The following XKR9 variants were observed in gnomAD, a reference collection of about 807,000 sequenced individuals.
XKR9 encodes the protein XK related 9.
XKR9 carries 32 observed loss-of-function variants against 32.0 expected under a neutral mutation model. That is an observed-to-expected ratio of 1.00 (90% confidence interval 0.76 to 1.34). The LOEUF (loss-of-function observed/expected upper bound fraction) is 1.34, where lower values mean the gene tolerates loss of function less well. Ranked by LOEUF, XKR9 falls within the 40% of genes most tolerant of loss-of-function variation. The probability of loss-of-function intolerance (pLI) is 0.00; values close to 1 mark genes in which losing one functional copy is unlikely to be tolerated. For synonymous variants in XKR9, 168 were observed against 143.4 expected, an observed-to-expected ratio of 1.17 and a Z score of -1.22; for missense variants, 546 against 429.7, an observed-to-expected ratio of 1.27 and a Z score of -2.39.
intron 2 of XKR9, chr8:70,780,773 GTT>G (rs1807604634): frequency 6.6e-6 from 1 of 152,058 alleles, no homozygotes; most frequent in South Asian, 2.1e-4. Flanking sequence ...AGAATTTTAT[GTT>G]TGTCTTTTTA....
intron 3 of XKR9, among the ~76,000 whole-genome samples, chr8:70,694,444 T>C (rs1377156488): frequency 1.3e-5 from 2 of 151,562 alleles, no homozygotes; most frequent in African/African-American, 4.8e-5. Context: ...GAAAGCTTTG[T>C]TGGGGGTGGC....
chr8:70,681,947 T>G (rs1819097202), intron 3 of XKR9, among the ~76,000 whole-genome samples: 1 of 152,148 alleles, frequency 6.6e-6, no homozygotes, highest in Non-Finnish European at 1.5e-5. Flanking sequence ...TGATCCTTAG[T>G]TGAATGTATT....
At chr8:70,840,294 G>A in the XKR9 span, among the ~76,000 whole-genome samples, 1 of 152,060 alleles carries the variant, frequency 6.6e-6, no homozygotes, top group African/African-American at 2.4e-5. Context: ...CAGGTAATTT[G>A]AGGCCTATAT....
the XKR9 span, among the ~76,000 whole-genome samples, chr8:70,811,195 G>C: frequency 6.6e-6 from 1 of 152,066 alleles, no homozygotes; most frequent in East Asian, 1.9e-4. Context: ...TGACTACTGG[G>C]TACATAACGA....
the XKR9 span, among the ~76,000 whole-genome samples, chr8:70,911,051 G>A: frequency 2.0e-5 from 3 of 152,060 alleles, no homozygotes; most frequent in African/African-American, 4.8e-5. Context: ...ATTACATTGG[G>A]CACACCTGTA....
At chr8:70,702,668 A>C (rs764290265) in intron 3 of XKR9, among the ~76,000 whole-genome samples, 2 of 152,176 alleles carry the variant, frequency 1.3e-5, no homozygotes, top group African/African-American at 2.4e-5. Context: ...TATTATTATG[A>C]CATGTTGATC....
intron 4 of XKR9, among the ~76,000 whole-genome samples, chr8:70,733,301 C>T (rs952345817): frequency 1.3e-5 from 2 of 151,840 alleles, no homozygotes; most frequent in South Asian, 2.1e-4. Context: ...CTGTTTAACC[C>T]TCTTTCTCTC....
At chr8:70,811,710 C>G in the XKR9 span, among the ~76,000 whole-genome samples, 125 of 152,228 alleles carry the variant, frequency 8.2e-4, no homozygotes, top group Middle Eastern at 6.8e-3. Flanking sequence ...ATAAATTCCT[C>G]AACACATACA....
chr8:70,768,793 T>C (rs1322501266), intron 2 of XKR9, among the ~76,000 whole-genome samples: 2 of 151,932 alleles, frequency 1.3e-5, no homozygotes, highest in East Asian at 3.9e-4. Flanking sequence ...GTAAATATTC[T>C]TCCATCCCTT....
chr8:70,993,398 T>G, the XKR9 span, among the ~76,000 whole-genome samples: 1 of 152,316 alleles, frequency 6.6e-6, no homozygotes, highest in East Asian at 1.9e-4. Flanking sequence ...GAAGCTCCCT[T>G]AATGGCTCTT....
the XKR9 span, among the ~76,000 whole-genome samples, chr8:70,815,215 A>G: frequency 6.6e-6 from 1 of 152,140 alleles, no homozygotes; most frequent in Admixed American, 6.5e-5. Context: ...GGTTTGTTAT[A>G]TAGGTAAACT....
the XKR9 span, among the ~76,000 whole-genome samples, chr8:70,927,822 A>G: frequency 6.6e-6 from 1 of 152,114 alleles, no homozygotes; most frequent in South Asian, 2.1e-4. Flanking sequence ...GCTTGTTTCT[A>G]TCCTGATTGC....
chr8:70,698,526 T>A (rs965838939), intron 3 of XKR9, among the ~76,000 whole-genome samples: 92 of 152,358 alleles, frequency 6.0e-4, no homozygotes, highest in African/African-American at 2.1e-3. Flanking sequence ...GAGTTCTAGT[T>A]TGATTGCACT....
chr8:70,670,788 C>T (rs1818689785), intron 1 of XKR9: 1 of 151,986 alleles, frequency 6.6e-6, no homozygotes, highest in African/African-American at 2.4e-5. Context: ...AACAGTATAC[C>T]CTTCAAAAAA....
At chr8:70,998,791 C>T in the XKR9 span, among the ~76,000 whole-genome samples, 3 of 152,172 alleles carry the variant, frequency 2.0e-5, no homozygotes, top group African/African-American at 7.2e-5. Context: ...AACAGGACAG[C>T]TCCTCACTGG....
rs995606614 is a variant in XKR9, at chr8:70,669,393, G to C, written c.-506G>C. 6.8e-6 allele frequency: 3 copies of C among 440,568 alleles called. No individual in the cohort carries two copies. The highest frequency in any genetic ancestry group is 1.2e-5 in the Non-Finnish European group (3 of 245,136). 27.3% of individuals were successfully genotyped at this position (440,568 alleles called of 1,614,324 possible). On this transcript the variant is annotated 5_prime_UTR_variant, in exon 1 of 5. Transcript: ENST00000408926. ...CGGGCAGTGGTGGGAAGGCTGGCGC[G>C]AGGCGTGAGGTGGCGTGAGGCGAAG... is the stretch of plus-strand genomic sequence containing the variant.
chr8:71,028,118 A>G, the XKR9 span, among the ~76,000 whole-genome samples: 1 of 152,222 alleles, frequency 6.6e-6, no homozygotes, highest in African/African-American at 2.4e-5. Flanking sequence ...TGGAATTTTG[A>G]TAAGGATTGC....
At chr8:70,894,105 G>A in the XKR9 span, among the ~76,000 whole-genome samples, 1 of 152,012 alleles carries the variant, frequency 6.6e-6, no homozygotes, top group Non-Finnish European at 1.5e-5. Flanking sequence ...CTTGGAAGTA[G>A]TAGGGTATGG....
At chr8:71,018,185 C>T in the XKR9 span, among the ~76,000 whole-genome samples, 1 of 151,972 alleles carries the variant, frequency 6.6e-6, no homozygotes, top group Non-Finnish European at 1.5e-5. Context: ...AAAAGCAAAG[C>T]AAAGACTTTT....
Sources: allele counts gnomAD v4.1 joint callset (sites outside exome capture counted in the v4.1 genomes callset), GRCh38; gene constraint gnomAD v4.1.1; transcripts MANE v1.5; gene names NCBI Gene and HGNC (gene_info 2026-07-23, HGNC 2026-07-21).